The following XRRA1 variants were observed in gnomAD, a reference collection of about 807,000 sequenced individuals.
The protein encoded by XRRA1 is X-ray radiation resistance associated 1.
XRRA1 carries 69 observed loss-of-function variants against 80.2 expected under a neutral mutation model. The observed-to-expected ratio is 0.86, with a 90% CI of 0.71 to 1.05. The LOEUF is 1.05. XRRA1 is among the 50% of genes least tolerant of loss of function. The pLI, the probability that XRRA1 is intolerant of heterozygous loss-of-function variation, is 0.00. For synonymous variants in XRRA1, 348 were observed against 389.9 expected, an observed-to-expected ratio of 0.89 and a Z score of 1.27; for missense variants, 967 against 976.4, an observed-to-expected ratio of 0.99 and a Z score of 0.13.
chr11:74,899,890 A>G (rs755610727), intron 10 of XRRA1, among the ~76,000 whole-genome samples: 18 of 152,150 alleles, frequency 1.2e-4, no homozygotes, highest in Non-Finnish European at 2.1e-4. Flanking sequence ...AATACTTCCA[A>G]ACTCATTCTA....
At chr11:74,849,374 G>A (rs1041661774) in intron 14 of XRRA1, among the ~76,000 whole-genome samples, 1 of 152,150 alleles carries the variant, frequency 6.6e-6, no homozygotes, top group African/African-American at 2.4e-5. Flanking sequence ...ATGGACTAAG[G>A]AGGGCGAAGG....
intron 10 of XRRA1, among the ~76,000 whole-genome samples, chr11:74,888,493 C>T (rs141883965): frequency 0.011 from 1,638 of 152,282 alleles, 32 homozygotes; most frequent in African/African-American, 0.035. Flanking sequence ...AAACTGGAAA[C>T]TCTAAAAATC....
chr11:74,913,076 G>GT (rs1213192883), intron 8 of XRRA1, among the ~76,000 whole-genome samples: 1 of 152,198 alleles, frequency 6.6e-6, no homozygotes, highest in Non-Finnish European at 1.5e-5. Flanking sequence ...AATGGACCCA[G>GT]TGAAGTCACA....
intron 10 of XRRA1, among the ~76,000 whole-genome samples, chr11:74,864,324 G>A (rs553254334): frequency 1.3e-5 from 2 of 152,236 alleles, no homozygotes; most frequent in East Asian, 3.9e-4. Flanking sequence ...AGACTGAGTG[G>A]AGAGACTCTC....
At chr11:74,897,112 G>C (rs986297279) in intron 10 of XRRA1, among the ~76,000 whole-genome samples, 7 of 151,990 alleles carry the variant, frequency 4.6e-5, no homozygotes, top group Non-Finnish European at 1.0e-4. Flanking sequence ...GAAACTCAAA[G>C]AAATTCAAGA....
intron 10 of XRRA1, among the ~76,000 whole-genome samples, chr11:74,870,440 A>T (rs2044510942): frequency 6.6e-6 from 1 of 152,132 alleles, no homozygotes; most frequent in African/African-American, 2.4e-5. Flanking sequence ...TTTCCTGTCG[A>T]CTGCCATGTC....
chr11:74,888,462 T>C (rs1329346373), intron 10 of XRRA1, among the ~76,000 whole-genome samples: 2 of 151,910 alleles, frequency 1.3e-5, no homozygotes, highest in Non-Finnish European at 2.9e-5. Context: ...ACCACAAAGA[T>C]GGGGAAAAAA....
At chr11:74,861,992 G>C (rs1222656794) in intron 11 of XRRA1, among the ~76,000 whole-genome samples, 1 of 152,228 alleles carries the variant, frequency 6.6e-6, no homozygotes, top group Non-Finnish European at 1.5e-5. Flanking sequence ...CGTCAGAATA[G>C]TACAGCAGTA....
intron 7 of XRRA1, among the ~76,000 whole-genome samples, 152 bp downstream of exon 7, chr11:74,927,239 C>T (rs1197703435): frequency 6.8e-6 from 1 of 147,716 alleles, no homozygotes; most frequent in African/African-American, 2.5e-5. Context: ...ACAACCCCCA[C>T]CCCCACCCTC....
Position 74,855,069 on chromosome 11 carries a change from A to G in XRRA1, c.1171-2987T>C, listed in dbSNP as rs531394876. 6.6e-5 allele frequency among the ~76,000 whole-genome samples: 10 copies of G among 152,294 alleles called. No homozygotes were observed. In the South Asian group the frequency reaches 2.1e-3, roughly 32 times the overall value. ...TGTCTCAAAAAAAAAGAAAAAAGAA[A>G]AAAAATACTACCTTTCTCATTTGTT... On this transcript the variant is annotated intron_variant, in intron 12 of 18. Transcript: ENST00000684022.
intron 17 of XRRA1, 41 bp downstream of exon 17, chr11:74,844,127 A>T: frequency 6.3e-7 from 1 of 1,576,896 alleles, no homozygotes; most frequent in Non-Finnish European, 8.7e-7. Flanking sequence ...TGTGGGCGGT[A>T]CTCAGGGGCC....
Position 74,845,239 on chromosome 11 carries a change from C to A in XRRA1, c.1761G>T (p.Lys587Asn). 1 of 1,613,914 alleles carries A rather than the reference C, an allele frequency of 6.2e-7. No individual in the cohort carries two copies. Among genetic ancestry groups the A allele is most frequent in the South Asian group, 1.1e-5 (1 of 91,070 alleles). The change falls in exon 16 of 19, where the codon AAG (lysine) becomes AAT (asparagine). Residue 587 changes from lysine to asparagine, a missense_variant. Physicochemically the swap from Lys to Asn is moderately conservative, Grantham distance 94. Transcript: ENST00000684022. ...CTTTCTCCTTTAACTCTAAATCATC[C>A]TTATGGATGACGGAGGAAGGCAGTT... is the stretch of plus-strand genomic sequence containing the variant. ...VSELPSSVIH[K>N]DDLELKEKDQ...
intron 10 of XRRA1, among the ~76,000 whole-genome samples, chr11:74,880,465 G>T (rs1268004452): frequency 1.7e-3 from 248 of 148,688 alleles, no homozygotes; most frequent in African/African-American, 5.8e-3. Context: ...ATTTCCTTCA[G>T]TTCTGCTCTG....
At chr11:74,889,666 G>A (rs985439868) in intron 10 of XRRA1, among the ~76,000 whole-genome samples, 2 of 152,144 alleles carry the variant, frequency 1.3e-5, no homozygotes, top group African/African-American at 2.4e-5. Flanking sequence ...TCCATCTCAT[G>A]TGCAGAGACA....
At chr11:74,863,911 C>T (rs2042842106) in intron 10 of XRRA1, 1 of 152,078 alleles carries the variant, frequency 6.6e-6, no homozygotes. Flanking sequence ...AAGCAATGAA[C>T]CCTAGAAAAC....
intron 18 of XRRA1, 32 bp downstream of exon 18, chr11:74,843,822 C>T (rs2037155400): frequency 1.3e-6 from 2 of 1,574,816 alleles, no homozygotes; most frequent in East Asian, 4.6e-5. Context: ...TGAACTGGAT[C>T]TGGGATCCTG....
At chr11:74,879,706 G>A (rs1437612853) in intron 10 of XRRA1, among the ~76,000 whole-genome samples, 1 of 150,478 alleles carries the variant, frequency 6.6e-6, no homozygotes, top group African/African-American at 2.5e-5. Flanking sequence ...GGCTTTTTCT[G>A]CATCTGTTGA....
At chr11:74,920,938 CAG>C (rs1325420398) in intron 8 of XRRA1, among the ~76,000 whole-genome samples, 1 of 152,182 alleles carries the variant, frequency 6.6e-6, no homozygotes, top group African/African-American at 2.4e-5. Context: ...TGAGCTGACA[CAG>C]GGGGCTCATG....
At chr11:74,851,228 A>T in intron 13 of XRRA1, 25 bp from the exon 14 acceptor site, 1 of 1,568,372 alleles carries the variant, frequency 6.4e-7, no homozygotes, top group Non-Finnish European at 8.7e-7. Context: ...GGAAAATAAG[A>T]TTACTATTAG....
Sources: gnomAD v4.1 joint callset for allele counts (sites outside exome capture counted in the v4.1 genomes callset) on GRCh38, gnomAD v4.1.1 for gene constraint, MANE v1.5 for transcripts, NCBI Gene and HGNC (gene_info 2026-07-23, HGNC 2026-07-21) for gene names.